RNF220: variants seen among roughly 807,000 people sequenced by gnomAD.
RNF220 encodes the protein ring finger protein 220.
A neutral mutation model predicts 67.1 loss-of-function variants in RNF220; 7 were observed. The ratio of observed to expected loss-of-function variants is 0.10; its 90% CI spans 0.06 to 0.20. The LOEUF (loss-of-function observed/expected upper bound fraction) is 0.20, where lower values mean the gene tolerates loss of function less well. Among genes scored for constraint, RNF220 ranks in the 10% least tolerant of loss-of-function variants. The pLI is 1.00. For missense variants in RNF220, 565 were observed against 740.3 expected, an observed-to-expected ratio of 0.76 and a Z score of 2.75; for synonymous variants, 270 against 283.2, an observed-to-expected ratio of 0.95 and a Z score of 0.47.
chr1:44,600,072 C>T lies in RNF220; in HGVS notation c.626-14093C>T, dbSNP rs1364603604. ...GAGGTAAAAACAGGGAAGATGTTGA[C>T]TTACTGGATGTAGGGACTGGAGTAA... On this transcript the variant is annotated intron_variant, in intron 2 of 14. Transcript: ENST00000361799. This position sits in a 1 kb window ranked among gnomAD's most constrained non-coding sequence, Gnocchi z 4.0. Among the ~76,000 whole-genome samples the T allele has an allele frequency of 6.6e-6, 1 of 152,182 alleles. No homozygotes were observed. Among genetic ancestry groups the T allele is most frequent in the African/African-American group, 2.4e-5 (1 of 41,430 alleles).
At chr1:44,444,747 G>A (rs1481761520) in intron 2 of RNF220, among the ~76,000 whole-genome samples, 1 of 150,912 alleles carries the variant, frequency 6.6e-6, no homozygotes, top group East Asian at 1.9e-4. Flanking sequence ...GGCCTACCTT[G>A]ATTTCTATAT....
At chr1:44,457,521 A>G (rs1221608596) in intron 2 of RNF220, among the ~76,000 whole-genome samples, 2 of 152,102 alleles carry the variant, frequency 1.3e-5, no homozygotes, top group South Asian at 2.1e-4. Context: ...CTCCTTTACA[A>G]TAAGATGGTA....
intron 2 of RNF220, among the ~76,000 whole-genome samples, chr1:44,586,260 C>T (rs1162820886): frequency 1.3e-5 from 2 of 152,050 alleles, no homozygotes; most frequent in African/African-American, 2.4e-5. Context: ...GTTGACAATT[C>T]GGTGTGGGCA....
chr1:44,554,672 G>C (rs935502507), intron 2 of RNF220, among the ~76,000 whole-genome samples: 1 of 152,098 alleles, frequency 6.6e-6, no homozygotes, highest in Non-Finnish European at 1.5e-5. Flanking sequence ...GTGGGGCTTG[G>C]GAACCCAGTG....
At chr1:44,476,841 A>G (rs530765404) in intron 2 of RNF220, among the ~76,000 whole-genome samples, 228 of 152,250 alleles carry the variant, frequency 1.5e-3, no homozygotes, top group African/African-American at 5.2e-3. Flanking sequence ...ATCAAACTTT[A>G]TGAAAAAGTT....
intron 2 of RNF220, among the ~76,000 whole-genome samples, chr1:44,527,949 A>AAAAAAAAAAAT (rs1660523740): frequency 1.3e-5 from 2 of 149,726 alleles, no homozygotes; most frequent in African/African-American, 5.0e-5. Flanking sequence ...AAAAAAAAAA[A>AAAAAAAAAAAT]AAGTTAAATG....
intron 2 of RNF220, among the ~76,000 whole-genome samples, chr1:44,485,140 C>T (rs1656174124): frequency 6.6e-6 from 1 of 152,172 alleles, no homozygotes; most frequent in Admixed American, 6.5e-5. Flanking sequence ...CATCAAAAAA[C>T]AAAGAAAAGA....
intron 2 of RNF220, among the ~76,000 whole-genome samples, chr1:44,484,535 C>T (rs568336531): frequency 4.6e-5 from 7 of 152,222 alleles, no homozygotes; most frequent in African/African-American, 1.2e-4. Flanking sequence ...AGACATAGCA[C>T]GTACTTGGGG....
intron 2 of RNF220, among the ~76,000 whole-genome samples, chr1:44,432,898 T>C (rs1489774582): frequency 6.0e-5 from 7 of 115,932 alleles, no homozygotes; most frequent in Non-Finnish European, 1.3e-4. Flanking sequence ...AAATTGGCTT[T>C]TCTTTTTTTT....
At chr1:44,481,324 C>A (rs1296422000) in intron 2 of RNF220, among the ~76,000 whole-genome samples, 1 of 152,062 alleles carries the variant, frequency 6.6e-6, no homozygotes, top group East Asian at 1.9e-4. Context: ...ACTTGGGAGG[C>A]TGAGGCAGGG....
intron 2 of RNF220, among the ~76,000 whole-genome samples, chr1:44,558,892 T>A (rs1446404740): frequency 2.0e-5 from 3 of 152,184 alleles, no homozygotes; most frequent in African/African-American, 7.2e-5. Context: ...TAGCTTAAAG[T>A]TCGTTTCCTA....
intron 2 of RNF220, among the ~76,000 whole-genome samples, chr1:44,591,643 TTTCC>T (rs1666121856): frequency 6.6e-6 from 1 of 152,230 alleles, no homozygotes; most frequent in South Asian, 2.1e-4. Flanking sequence ...CAAGCCACAA[TTTCC>T]TGTCTAAATA....
At chr1:44,501,084 T>G in intron 2 of RNF220, among the ~76,000 whole-genome samples, 4 of 140,074 alleles carry the variant, frequency 2.9e-5, no homozygotes, top group Non-Finnish European at 4.6e-5. Flanking sequence ...CGGGAGACAA[T>G]AGGAGAGCCC....
chr1:44,552,032 G>T (rs376036234), intron 2 of RNF220, among the ~76,000 whole-genome samples: 1 of 152,194 alleles, frequency 6.6e-6, no homozygotes, highest in Non-Finnish European at 1.5e-5. Flanking sequence ...CTAGTGCCTG[G>T]TATATGCCAC....
chr1:44,622,877 G>A lies in RNF220; in HGVS notation c.804+90G>A. On this transcript the variant is annotated intron_variant, in intron 4 of 14. Coordinates refer to ENST00000361799, the MANE Select transcript of RNF220 (RefSeq NM_018150.4). This position sits in a 1 kb window ranked among gnomAD's most constrained non-coding sequence, Gnocchi z 4.3. The stretch of plus-strand genomic sequence containing the variant: ...CTCCTGAGAAAAAGGAGCTTTTCTA[G>A]TATCCTCAACTATCTCCAGCTTTTC... 1.9e-6 allele frequency: 2 copies of A among 1,078,544 alleles called. No individual in the cohort carries two copies. The highest frequency in any genetic ancestry group is 4.7e-5 in the East Asian group (2 of 42,194). 66.8% of individuals were successfully genotyped at this position (1,078,544 alleles called of 1,614,324 possible).
At chr1:44,440,333 G>A (rs923490367) in intron 2 of RNF220, among the ~76,000 whole-genome samples, 3 of 152,114 alleles carry the variant, frequency 2.0e-5, no homozygotes, top group Non-Finnish European at 4.4e-5. Flanking sequence ...TCAGGGAACT[G>A]AAAAGGGTTC....
intron 2 of RNF220, among the ~76,000 whole-genome samples, chr1:44,596,651 A>G (rs1339183597): frequency 6.6e-6 from 1 of 152,158 alleles, no homozygotes; most frequent in African/African-American, 2.4e-5. Flanking sequence ...TAAATAAAGG[A>G]AAAACGATAG....
intron 2 of RNF220, among the ~76,000 whole-genome samples, chr1:44,594,371 C>A (rs1200082461): frequency 6.6e-6 from 1 of 152,190 alleles, no homozygotes; most frequent in Non-Finnish European, 1.5e-5. Flanking sequence ...TGCTTCCTCC[C>A]AGCCTTCCCC....
intron 2 of RNF220, among the ~76,000 whole-genome samples, chr1:44,551,264 G>T (rs1662608307): frequency 6.6e-6 from 1 of 151,822 alleles, no homozygotes; most frequent in Non-Finnish European, 1.5e-5. Flanking sequence ...ACAGGCACGG[G>T]CCACCACGCC....
Sources: allele counts gnomAD v4.1 joint callset (sites outside exome capture counted in the v4.1 genomes callset), GRCh38; gene constraint gnomAD v4.1.1; non-coding constraint Gnocchi (gnomAD v3.1); transcripts MANE v1.5; gene names NCBI Gene and HGNC (gene_info 2026-07-23, HGNC 2026-07-21).